The following MYRIP variants were observed in gnomAD, a reference collection of about 807,000 sequenced individuals.
MYRIP encodes the protein rab effector MyRIP.
In MYRIP, 49 loss-of-function variants were observed where a neutral mutation model predicts 98.0. That is an observed-to-expected ratio of 0.50 (90% confidence interval 0.40 to 0.63). The LOEUF is 0.63. Ranked by LOEUF, MYRIP falls within the 30% of genes least tolerant of loss-of-function variation. The pLI is 0.00. For synonymous variants in MYRIP, 404 were observed against 409.5 expected (o/e 0.99, Z 0.16); for missense variants, 1,004 against 1,058.2 (o/e 0.95, Z 0.71).
chr3:40,176,409 G>T (rs764351694), intron 8 of MYRIP, among the ~76,000 whole-genome samples: 3 of 152,166 alleles, frequency 2.0e-5, no homozygotes, highest in Non-Finnish European at 4.4e-5. Flanking sequence ...CACAGCACTG[G>T]TCTAGGGATT....
chr3:40,230,821 CTT>C (rs111618117), intron 11 of MYRIP, among the ~76,000 whole-genome samples: 6 of 141,142 alleles, frequency 4.3e-5, no homozygotes, highest in Admixed American at 1.4e-4. Flanking sequence ...GTCACTTCTT[CTT>C]TTTTTTTTTT....
rs1036558329 is a variant in MYRIP at position 39,878,935 on chromosome 3, G to A, written c.-30-21852G>A. Among the ~76,000 whole-genome samples, 13 of 151,106 alleles carry A rather than the reference G, an allele frequency of 8.6e-5. No individual in the cohort carries two copies. In the East Asian group the frequency reaches 1.4e-3, roughly 16 times the overall value. ...AAAAAAAATAGCTGGGCATGGTGGC[G>A]CACGCCTGTAGTCCCAGCTACTTGG... On this transcript the variant is annotated intron_variant, in intron 1 of 16. Transcript: ENST00000302541.
intron 2 of MYRIP, among the ~76,000 whole-genome samples, chr3:40,030,502 C>G (rs987864945): frequency 6.6e-6 from 1 of 152,088 alleles, no homozygotes; most frequent in Non-Finnish European, 1.5e-5. Context: ...ATTAAAAATA[C>G]ACGTCCACAC....
At chr3:40,252,825 A>AGG (rs1216620725) in intron 16 of MYRIP, among the ~76,000 whole-genome samples, 1 of 152,204 alleles carries the variant, frequency 6.6e-6, no homozygotes, top group African/African-American at 2.4e-5. Flanking sequence ...TTTAACTGTT[A>AGG]GTCTAAAGAG....
At chr3:39,820,973 C>T (rs1259446329) in intron 1 of MYRIP, among the ~76,000 whole-genome samples, 2 of 152,120 alleles carry the variant, frequency 1.3e-5, no homozygotes, top group African/African-American at 2.4e-5. Flanking sequence ...CAGGCTGCTG[C>T]TGATGGTGGA....
At position 40,159,641 on chromosome 3, in the gene MYRIP, G is replaced by A. The variant is rs1039884477; in HGVS notation, c.470-3089G>A. ...TCACTTTCAGGTACACCAATCAGAC[G>A]TAGATTTGGTCTTTTCACATAGTCC... On this transcript the variant is annotated intron_variant, in intron 4 of 16. Transcript: ENST00000302541. Among the ~76,000 whole-genome samples the A allele has an allele frequency of 2.6e-5, 4 of 152,044 alleles. No homozygotes were observed. In the East Asian group the frequency reaches 5.8e-4, roughly 22 times the overall value.
intron 3 of MYRIP, among the ~76,000 whole-genome samples, chr3:40,101,765 T>A (rs1369447183): frequency 6.6e-6 from 1 of 152,236 alleles, no homozygotes; most frequent in Non-Finnish European, 1.5e-5. Flanking sequence ...TATTAATCAT[T>A]TTTGAAGTTT....
chr3:40,200,442 T>A (rs1448339095), intron 10 of MYRIP, among the ~76,000 whole-genome samples: 2 of 152,104 alleles, frequency 1.3e-5, no homozygotes, highest in Non-Finnish European at 2.9e-5. Flanking sequence ...TTATATTCAA[T>A]CTTGGGGAGT....
chr3:39,854,783 G>A (rs2125610532), intron 1 of MYRIP, among the ~76,000 whole-genome samples: 1 of 152,266 alleles, frequency 6.6e-6, no homozygotes, highest in Middle Eastern at 3.4e-3. Flanking sequence ...TCAGTGGAGA[G>A]GTCTTAATCT....
intron 1 of MYRIP, among the ~76,000 whole-genome samples, chr3:39,886,747 T>G (rs969826591): frequency 6.6e-6 from 1 of 150,722 alleles, no homozygotes; most frequent in Admixed American, 6.6e-5. Context: ...ATGGGAGACT[T>G]TAACACCCCA....
rs202131896 is a variant in MYRIP, at chr3:40,190,480, C to A, written c.1665+17C>A. The A allele has an allele frequency of 6.4e-7, 1 of 1,559,160 alleles. No homozygotes were observed. Among genetic ancestry groups the A allele is most frequent in the Non-Finnish European group, 8.7e-7 (1 of 1,152,548 alleles). ...ACACATCAGGTAATGGAAGTGCATG[C>A]GTGCAAATGCACACACACTCTTTAG... On this transcript the variant is annotated intron_variant, in intron 10 of 16. Transcript: ENST00000302541.
intron 2 of MYRIP, among the ~76,000 whole-genome samples, chr3:40,030,414 C>T (rs1204823185): frequency 6.6e-6 from 1 of 151,976 alleles, no homozygotes; most frequent in African/African-American, 2.4e-5. Flanking sequence ...ATAGTACAGC[C>T]ATTTAGAAAA....
At chr3:40,002,078 G>A (rs184099974) in intron 2 of MYRIP, among the ~76,000 whole-genome samples, 395 of 152,290 alleles carry the variant, frequency 2.6e-3, no homozygotes, top group South Asian at 5.0e-3. Context: ...CCTCAAGGGT[G>A]CAAGTTGTGC....
intron 7 of MYRIP, among the ~76,000 whole-genome samples, chr3:40,168,353 T>C (rs1400347595): frequency 1.3e-5 from 2 of 152,196 alleles, no homozygotes; most frequent in Non-Finnish European, 2.9e-5. Context: ...ACTCTTAATA[T>C]ATCATAGCTT....
chr3:40,054,455 G>C (rs958415219), intron 3 of MYRIP, among the ~76,000 whole-genome samples: 1 of 152,064 alleles, frequency 6.6e-6, no homozygotes, highest in South Asian at 2.1e-4. Context: ...ATATCACCTA[G>C]GTATTGAGTC....
intron 3 of MYRIP, 111 bp downstream of exon 3, chr3:40,044,382 T>C (rs965413559): frequency 9.7e-7 from 1 of 1,028,262 alleles, no homozygotes; most frequent in Non-Finnish European, 1.4e-6. Flanking sequence ...ACACAGAGTA[T>C]TGACCAAAGT....
At chr3:40,100,038 C>A in intron 3 of MYRIP, 3 of 985,128 alleles carry the variant, frequency 3.0e-6, no homozygotes, top group Non-Finnish European at 3.6e-6. Flanking sequence ...CTGTGCTGTT[C>A]CTTCACTCTG....
intron 3 of MYRIP, among the ~76,000 whole-genome samples, chr3:40,085,836 T>C (rs1397223742): frequency 6.6e-6 from 1 of 152,246 alleles, no homozygotes; most frequent in Non-Finnish European, 1.5e-5. Context: ...AAATCATATT[T>C]GGTAACCGAA....
chr3:39,970,968 T>G (rs1406612480), intron 2 of MYRIP, among the ~76,000 whole-genome samples: 1 of 152,126 alleles, frequency 6.6e-6, no homozygotes, highest in African/African-American at 2.4e-5. Context: ...TTTGTTAACA[T>G]GTATATTTCA....
Sources: allele counts gnomAD v4.1 joint callset (sites outside exome capture counted in the v4.1 genomes callset), GRCh38; gene constraint gnomAD v4.1.1; transcripts MANE v1.5; gene names NCBI Gene and HGNC (gene_info 2026-07-23, HGNC 2026-07-21).